CNTNAP2: variants seen among roughly 807,000 people sequenced by gnomAD.
The protein encoded by CNTNAP2 is contactin-associated protein-like 2.
CNTNAP2 carries 98 observed loss-of-function variants against 155.2 expected under a neutral mutation model. The ratio of observed to expected loss-of-function variants is 0.63; its 90% CI spans 0.54 to 0.75. The LOEUF is 0.75. Ranked by LOEUF, CNTNAP2 falls within the 30% of genes least tolerant of loss-of-function variation. The pLI, the probability that CNTNAP2 is intolerant of heterozygous loss-of-function variation, is 0.00. For missense variants in CNTNAP2, 1,727 were observed against 1,688.1 expected, an observed-to-expected ratio of 1.02 and a Z score of -0.40; for synonymous variants, 651 against 631.2, an observed-to-expected ratio of 1.03 and a Z score of -0.47.
intron 1 of CNTNAP2, among the ~76,000 whole-genome samples, chr7:146,706,299 C>T (rs944286918): frequency 3.3e-5 from 5 of 152,068 alleles, no homozygotes; most frequent in African/African-American, 1.2e-4. Flanking sequence ...ATGGGTCCCA[C>T]CCTCAGCAAC....
chr7:148,415,724 C>A lies in CNTNAP2; in HGVS notation c.*108C>A. On this transcript the variant is annotated 3_prime_UTR_variant, in exon 24 of 24. Transcript: ENST00000361727. ...CTTGAGCACATCCTTAAAATATCAG[C>A]ACAAGTTGGGGGAGGCAGGCAATGG... 1 of 1,277,966 alleles carries A rather than the reference C, an allele frequency of 7.8e-7. No individual in the cohort carries two copies. Among genetic ancestry groups the A allele is most frequent in the Non-Finnish European group, 1.1e-6 (1 of 894,030 alleles). The allele number at this position is 1,277,966 out of a possible 1,614,324, so 79.2% of individuals were successfully genotyped here. A position where few individuals can be genotyped will look rare whatever the true frequency, so the allele number is the denominator to read the frequency against.
chr7:148,322,212 C>A (rs76404308), intron 21 of CNTNAP2, among the ~76,000 whole-genome samples: 1 of 152,122 alleles, frequency 6.6e-6, no homozygotes, highest in Non-Finnish European at 1.5e-5. Context: ...CGTGAGCCAC[C>A]GCACCCAGCC....
chr7:146,983,108 T>G (rs1262170186), intron 3 of CNTNAP2, among the ~76,000 whole-genome samples: 1 of 152,202 alleles, frequency 6.6e-6, no homozygotes, highest in African/African-American at 2.4e-5. Flanking sequence ...TTGTCCCAAT[T>G]GGAGAAGACC....
At chr7:148,239,909 C>T (rs4726931) in intron 20 of CNTNAP2, among the ~76,000 whole-genome samples, 118,180 of 152,092 alleles carry the variant, frequency 0.78, 46,322 homozygotes, top group East Asian at 0.95. Flanking sequence ...CAATGTACTT[C>T]TCTTCTACTT....
At chr7:147,308,538 CA>C (rs1456265206) in intron 9 of CNTNAP2, among the ~76,000 whole-genome samples, 1 of 152,184 alleles carries the variant, frequency 6.6e-6, no homozygotes, top group Non-Finnish European at 1.5e-5. Flanking sequence ...GCCAAAGGGT[CA>C]AGGATGACAC....
intron 15 of CNTNAP2, among the ~76,000 whole-genome samples, chr7:148,108,531 A>C (rs1370311893): frequency 6.6e-6 from 1 of 152,222 alleles, no homozygotes; most frequent in Non-Finnish European, 1.5e-5. Flanking sequence ...TTAGCTGTCA[A>C]TCCTGGGGTT....
At chr7:146,526,752 G>T (rs567916846) in intron 1 of CNTNAP2, among the ~76,000 whole-genome samples, 1 of 152,066 alleles carries the variant, frequency 6.6e-6, no homozygotes, top group Non-Finnish European at 1.5e-5. Context: ...AGTGTAGGCT[G>T]AATTGTTCAA....
intron 1 of CNTNAP2, among the ~76,000 whole-genome samples, chr7:146,758,115 C>T (rs940496851): frequency 6.6e-6 from 1 of 152,162 alleles, no homozygotes; most frequent in South Asian, 2.1e-4. Context: ...GATGAGATCG[C>T]AAATTCTCTG....
At chr7:146,955,749 A>G (rs1797420796) in intron 3 of CNTNAP2, among the ~76,000 whole-genome samples, 1 of 152,090 alleles carries the variant, frequency 6.6e-6, no homozygotes, top group Non-Finnish European at 1.5e-5. Flanking sequence ...CAATGATTGT[A>G]CTGCATAGAA....
rs553392095 is a variant in CNTNAP2 at position 146,514,646 on chromosome 7, C to A, written c.98-259625C>A. Among the ~76,000 whole-genome samples, 7 of 151,752 alleles carry A rather than the reference C, an allele frequency of 4.6e-5. No individual in the cohort carries two copies. In the East Asian group the frequency reaches 1.2e-3, roughly 25 times the overall value. On this transcript the variant is annotated intron_variant, in intron 1 of 23. Transcript: ENST00000361727. ...ATTGCTTTTCTGTGTTTTCTGGGAG[C>A]TCATCAAAGAGTTTTGTTTTTTTTT...
chr7:148,021,183 G>T (rs963320740), intron 15 of CNTNAP2, among the ~76,000 whole-genome samples: 1 of 115,512 alleles, frequency 8.7e-6, no homozygotes, highest in Non-Finnish European at 1.7e-5. Context: ...GTTGGTGGAG[G>T]TTTTTTGTTT....
intron 13 of CNTNAP2, among the ~76,000 whole-genome samples, chr7:147,853,657 A>G (rs191044601): frequency 2.4e-4 from 37 of 152,328 alleles, no homozygotes; most frequent in Non-Finnish European, 3.4e-4. Flanking sequence ...CTGAACTCTA[A>G]CACAATTATT....
At chr7:148,360,569 T>C (rs1798600775) in intron 21 of CNTNAP2, among the ~76,000 whole-genome samples, 1 of 152,154 alleles carries the variant, frequency 6.6e-6, no homozygotes. Flanking sequence ...TTTAAAAACT[T>C]AAAAGTGTAA....
chr7:146,831,069 T>C (rs1052331794), intron 2 of CNTNAP2, among the ~76,000 whole-genome samples: 2 of 152,196 alleles, frequency 1.3e-5, no homozygotes, highest in Admixed American at 1.3e-4. Context: ...TGCTGTTCTA[T>C]TAAACAAGGA....
intron 11 of CNTNAP2, among the ~76,000 whole-genome samples, chr7:147,505,707 C>G (rs374587531): frequency 2.0e-5 from 3 of 152,180 alleles, no homozygotes; most frequent in African/African-American, 7.2e-5. Flanking sequence ...TGGCCTTAAA[C>G]GCTGTAGTTC....
intron 1 of CNTNAP2, among the ~76,000 whole-genome samples, chr7:146,528,370 A>C (rs1460499632): frequency 3.3e-5 from 5 of 152,190 alleles, no homozygotes; most frequent in African/African-American, 1.2e-4. Flanking sequence ...AAAGCAGTGT[A>C]ACACAGTCGC....
intron 21 of CNTNAP2, among the ~76,000 whole-genome samples, chr7:148,354,942 G>A (rs1454166014): frequency 6.6e-6 from 1 of 151,900 alleles, no homozygotes; most frequent in African/African-American, 2.4e-5. Flanking sequence ...AGGCCTGAGT[G>A]TCAATGACAA....
intron 15 of CNTNAP2, among the ~76,000 whole-genome samples, chr7:148,105,474 T>C (rs977119540): frequency 1.3e-5 from 2 of 152,252 alleles, no homozygotes; most frequent in Non-Finnish European, 2.9e-5. Flanking sequence ...CTATGCTTAC[T>C]ATGCCATGTC....
chr7:147,640,522 G>C (rs865823850), intron 13 of CNTNAP2, among the ~76,000 whole-genome samples: 4 of 152,144 alleles, frequency 2.6e-5, no homozygotes, highest in African/African-American at 9.7e-5. Flanking sequence ...TTTGTGCTAT[G>C]TCAGAGACCA....
Sources: gnomAD v4.1 joint callset for allele counts (sites outside exome capture counted in the v4.1 genomes callset) on GRCh38, gnomAD v4.1.1 for gene constraint, MANE v1.5 for transcripts, NCBI Gene and HGNC (gene_info 2026-07-23, HGNC 2026-07-21) for gene names.